Variants in SPON1 observed in about 807,000 individuals in gnomAD.
The protein encoded by SPON1 is spondin-1.
A neutral mutation model predicts 111.7 loss-of-function variants in SPON1; 52 were observed. The ratio of observed to expected loss-of-function variants is 0.47; its 90% CI spans 0.37 to 0.59. SPON1 has a LOEUF of 0.59. Among genes scored for constraint, SPON1 ranks in the 20% least tolerant of loss-of-function variants. The probability of loss-of-function intolerance (pLI) is 0.00; values close to 1 mark genes in which losing one functional copy is unlikely to be tolerated. For missense variants in SPON1, 957 were observed against 1,068.5 expected, an observed-to-expected ratio of 0.90 and a Z score of 1.46; for synonymous variants, 410 against 395.8, an observed-to-expected ratio of 1.04 and a Z score of -0.43.
chr11:14,235,918 G>A (rs1177324142), intron 6 of SPON1, among the ~76,000 whole-genome samples: 5 of 152,122 alleles, frequency 3.3e-5, no homozygotes, highest in Non-Finnish European at 7.3e-5. Context: ...CCAGGCACAG[G>A]GAACAGCAAG....
chr11:14,098,126 G>T (rs1849116190), intron 5 of SPON1, among the ~76,000 whole-genome samples: 1 of 152,200 alleles, frequency 6.6e-6, no homozygotes, highest in South Asian at 2.1e-4. Context: ...CTCCCCACTA[G>T]CTGGGACTAC....
intron 6 of SPON1, among the ~76,000 whole-genome samples, chr11:14,138,824 G>T (rs929707340): frequency 1.3e-5 from 2 of 152,156 alleles, no homozygotes; most frequent in African/African-American, 4.8e-5. Flanking sequence ...CTTTCACTCG[G>T]TTATTCAGGC....
chr11:14,160,752 TTATA>T (rs1348389788), intron 6 of SPON1, among the ~76,000 whole-genome samples: 1 of 51,188 alleles, frequency 2.0e-5, no homozygotes, highest in Non-Finnish European at 3.3e-5. Flanking sequence ...TTATATATAT[TTATA>T]TATATTTATA....
At chr11:14,084,761 A>G (rs1348789154) in intron 5 of SPON1, among the ~76,000 whole-genome samples, 1 of 152,204 alleles carries the variant, frequency 6.6e-6, no homozygotes, top group African/African-American at 2.4e-5. Context: ...TTACACTCCC[A>G]CCAACAGTGT....
chr11:14,163,102 A>G (rs1047522600), intron 6 of SPON1, among the ~76,000 whole-genome samples: 1 of 152,186 alleles, frequency 6.6e-6, no homozygotes, highest in Admixed American at 6.5e-5. Context: ...GCTTCTTCCA[A>G]TCTAAATATC....
At chr11:14,100,537 T>C (rs1564905441) in intron 5 of SPON1, among the ~76,000 whole-genome samples, 2 of 152,224 alleles carry the variant, frequency 1.3e-5, no homozygotes, top group Non-Finnish European at 2.9e-5. Context: ...GTTGAATTCA[T>C]AAACAAAACA....
intron 5 of SPON1, among the ~76,000 whole-genome samples, chr11:14,098,466 A>G (rs1849119115): frequency 6.6e-6 from 1 of 152,172 alleles, no homozygotes; most frequent in African/African-American, 2.4e-5. Flanking sequence ...CACATGTGTA[A>G]TTATAAACTA....
intron 2 of SPON1, among the ~76,000 whole-genome samples, chr11:13,993,487 A>G (rs1848247518): frequency 6.6e-6 from 1 of 152,202 alleles, no homozygotes; most frequent in Non-Finnish European, 1.5e-5. Context: ...GCTGTGGCCC[A>G]GCCAGCTGCC....
At chr11:14,053,273 C>A (rs1469768669) in intron 3 of SPON1, among the ~76,000 whole-genome samples, 5 of 152,164 alleles carry the variant, frequency 3.3e-5, no homozygotes, top group Non-Finnish European at 7.3e-5. Flanking sequence ...AGTAAAACCC[C>A]TTATTCATTG....
chr11:14,059,639 G>A (rs931840622), intron 3 of SPON1, among the ~76,000 whole-genome samples: 1 of 152,148 alleles, frequency 6.6e-6, no homozygotes, highest in Non-Finnish European at 1.5e-5. Context: ...TTGGAACCAG[G>A]CTGCATTTCC....
At chr11:14,099,059 T>G (rs1554924162) in intron 5 of SPON1, among the ~76,000 whole-genome samples, 2 of 152,228 alleles carry the variant, frequency 1.3e-5, no homozygotes, top group Non-Finnish European at 2.9e-5. Flanking sequence ...CCACACACAT[T>G]GAATACTTTC....
intron 6 of SPON1, among the ~76,000 whole-genome samples, chr11:14,152,105 G>A (rs1554929959): frequency 6.6e-6 from 1 of 152,176 alleles, no homozygotes; most frequent in Admixed American, 6.5e-5. Flanking sequence ...GTCAGTCTGA[G>A]CTGGGGTGTA....
At chr11:14,129,861 T>C (rs1260828063) in intron 5 of SPON1, among the ~76,000 whole-genome samples, 1 of 152,158 alleles carries the variant, frequency 6.6e-6, no homozygotes, top group African/African-American at 2.4e-5. Context: ...AGGCGCCTTC[T>C]TCACAAGGCA....
chr11:14,113,755 ACCACGCCCGGCT>A (rs1216991382), intron 5 of SPON1, among the ~76,000 whole-genome samples: 2 of 151,084 alleles, frequency 1.3e-5, no homozygotes, highest in African/African-American at 4.9e-5. Context: ...GGCGCCCGCC[ACCACGCCCGGCT>A]AATTTTTTTG....
At chr11:14,189,217 T>C (rs2133890863) in intron 6 of SPON1, among the ~76,000 whole-genome samples, 1 of 152,354 alleles carries the variant, frequency 6.6e-6, no homozygotes, top group East Asian at 1.9e-4. Context: ...CACTGCAGTC[T>C]GCTGATACTT....
intron 5 of SPON1, among the ~76,000 whole-genome samples, chr11:14,088,733 C>T (rs1208660333): frequency 2.0e-5 from 3 of 152,028 alleles, no homozygotes; most frequent in African/African-American, 7.2e-5. Context: ...TGTTTTCTAA[C>T]TTGGTTCCAT....
At chr11:13,990,598 A>T (rs1281731448) in intron 2 of SPON1, among the ~76,000 whole-genome samples, 1 of 151,674 alleles carries the variant, frequency 6.6e-6, no homozygotes, top group Admixed American at 6.6e-5. Context: ...TTATGTGTCA[A>T]TTTGATCCTG....
chr11:14,125,990 T>C lies in SPON1; in HGVS notation c.677-9430T>C, dbSNP rs140502662. Among the ~76,000 whole-genome samples the C allele has an allele frequency of 2.6e-3, 400 of 152,096 alleles. 2 individuals carry two copies. Among genetic ancestry groups the C allele is most frequent in the African/African-American group, 8.7e-3 (361 of 41,480 alleles). ...GGAAAAGCCAGTGTTTTAGTTTAAG[T>C]CCAAAGGCAGGGGGAAAAAAGCAAG... On this transcript the variant is annotated intron_variant, in intron 5 of 15. Coordinates refer to ENST00000576479, the MANE Select transcript of SPON1 (RefSeq NM_006108.4).
chr11:14,190,088 C>T (rs932980889), intron 6 of SPON1, among the ~76,000 whole-genome samples: 43 of 152,174 alleles, frequency 2.8e-4, no homozygotes, highest in African/African-American at 9.7e-4. Context: ...GCACTTTCAA[C>T]TCTAAGGACA....
Sources: gnomAD v4.1 joint callset for allele counts (sites outside exome capture counted in the v4.1 genomes callset) on GRCh38, gnomAD v4.1.1 for gene constraint, MANE v1.5 for transcripts, NCBI Gene and HGNC (gene_info 2026-07-23, HGNC 2026-07-21) for gene names.